The following PTPRD variants were observed in gnomAD, a reference collection of about 807,000 sequenced individuals.
PTPRD encodes receptor-type tyrosine-protein phosphatase delta.
PTPRD carries 34 observed loss-of-function variants against 214.5 expected under a neutral mutation model. That is an observed-to-expected ratio of 0.16 (90% CI 0.12 to 0.21). The LOEUF (loss-of-function observed/expected upper bound fraction) is 0.21. Among genes scored for constraint, PTPRD ranks in the 10% least tolerant of loss-of-function variants. PTPRD has a pLI of 1.00. For synonymous variants in PTPRD, 1,128 were observed against 845.7 expected (o/e 1.33, Z -5.79); for missense variants, 2,545 against 2,398.7 (o/e 1.06, Z -1.27).
chr9:9,066,231 G>A (rs1027970951), intron 10 of PTPRD, among the ~76,000 whole-genome samples: 1 of 152,072 alleles, frequency 6.6e-6, no homozygotes, highest in Non-Finnish European at 1.5e-5. Flanking sequence ...GGAAGATTTT[G>A]TGTAGGATCG....
chr9:8,571,131 G>C (rs546581415), intron 14 of PTPRD, among the ~76,000 whole-genome samples: 2 of 151,896 alleles, frequency 1.3e-5, no homozygotes, highest in Non-Finnish European at 2.9e-5. Context: ...TGAGCAATAA[G>C]CCCATTTGGT....
chr9:9,867,014 AACTTAGT>A (rs1269887527), intron 5 of PTPRD, among the ~76,000 whole-genome samples: 2 of 152,116 alleles, frequency 1.3e-5, no homozygotes, highest in Non-Finnish European at 2.9e-5. Context: ...ATAGTATTCA[AACTTAGT>A]ACTTAGACTG....
chr9:8,895,594 C>G (rs947552560), intron 11 of PTPRD, among the ~76,000 whole-genome samples: 1 of 152,166 alleles, frequency 6.6e-6, no homozygotes, highest in Non-Finnish European at 1.5e-5. Context: ...AGCATGCTTT[C>G]TCCTCTCCCC....
intron 34 of PTPRD, among the ~76,000 whole-genome samples, chr9:8,437,806 C>T (rs1293162188): frequency 6.6e-6 from 1 of 152,184 alleles, no homozygotes; most frequent in Non-Finnish European, 1.5e-5. Context: ...CTAGTTCATT[C>T]AGCCAGCGGA....
intron 6 of PTPRD, among the ~76,000 whole-genome samples, chr9:9,749,138 A>C (rs2098488117): frequency 6.6e-6 from 1 of 152,072 alleles, no homozygotes; most frequent in African/African-American, 2.4e-5. Flanking sequence ...CCCTGAGCAC[A>C]TCCACTTCAG....
intron 9 of PTPRD, among the ~76,000 whole-genome samples, chr9:9,255,891 G>A (rs188725000): frequency 3.3e-5 from 5 of 152,006 alleles, no homozygotes; most frequent in African/African-American, 9.7e-5. Context: ...CAGAGAGAAT[G>A]TTCAAACCTC....
At chr9:10,483,960 A>G (rs767971039) in intron 2 of PTPRD, among the ~76,000 whole-genome samples, 9 of 152,172 alleles carry the variant, frequency 5.9e-5, no homozygotes, top group Non-Finnish European at 1.2e-4. Context: ...ATCATATCAA[A>G]AAACATTCAA....
At chr9:8,616,743 T>G (rs1412734744) in intron 14 of PTPRD, among the ~76,000 whole-genome samples, 1 of 152,162 alleles carries the variant, frequency 6.6e-6, no homozygotes, top group Admixed American at 6.6e-5. Flanking sequence ...AAGTGAGAGA[T>G]AAAGACTGCC....
chr9:10,303,863 A>T (rs1246497842), intron 3 of PTPRD, among the ~76,000 whole-genome samples: 3 of 152,176 alleles, frequency 2.0e-5, no homozygotes, highest in African/African-American at 7.2e-5. Flanking sequence ...TTTCTTTCTG[A>T]AACTATTCCA....
At chr9:8,629,024 C>T (rs2096152873) in intron 14 of PTPRD, among the ~76,000 whole-genome samples, 1 of 151,568 alleles carries the variant, frequency 6.6e-6, no homozygotes, top group Non-Finnish European at 1.5e-5. Flanking sequence ...GAGAACAGCC[C>T]AGTCTAAAAA....
intron 10 of PTPRD, among the ~76,000 whole-genome samples, chr9:9,053,574 G>A (rs1039990882): frequency 1.3e-5 from 2 of 152,146 alleles, no homozygotes; most frequent in Middle Eastern, 3.2e-3. Context: ...CCTTCAGAGA[G>A]CACAGCCTGG....
At chr9:10,479,870 A>G (rs2099086737) in intron 2 of PTPRD, among the ~76,000 whole-genome samples, 1 of 152,052 alleles carries the variant, frequency 6.6e-6, no homozygotes, top group African/African-American at 2.4e-5. Flanking sequence ...ACATTCCTAA[A>G]GACTGTTTCA....
At chr9:8,518,602 C>A (rs1347310650) in intron 20 of PTPRD, among the ~76,000 whole-genome samples, 173 bp from the exon 21 acceptor site, 2 of 152,170 alleles carry the variant, frequency 1.3e-5, no homozygotes, top group African/African-American at 4.8e-5. Flanking sequence ...GGAAAACATT[C>A]ATAGGTGACA....
At chr9:8,485,578 C>A (rs1448508786) in intron 28 of PTPRD, 184 bp downstream of exon 28, 6 of 658,196 alleles carry the variant, frequency 9.1e-6, no homozygotes, top group Non-Finnish European at 1.3e-5. Context: ...GCCAGACTTG[C>A]TTGACATTCT....
At chr9:10,290,686 A>T (rs932347764) in intron 3 of PTPRD, among the ~76,000 whole-genome samples, 1 of 152,118 alleles carries the variant, frequency 6.6e-6, no homozygotes. Flanking sequence ...GTTATTTAAA[A>T]ATGCATTTAT....
At chr9:9,917,999 A>G (rs1199389217) in intron 5 of PTPRD, among the ~76,000 whole-genome samples, 1 of 152,092 alleles carries the variant, frequency 6.6e-6, no homozygotes, top group Non-Finnish European at 1.5e-5. Context: ...TTTCCCTAAG[A>G]ACGAGAAAAG....
intron 9 of PTPRD, among the ~76,000 whole-genome samples, chr9:9,217,873 C>T (rs573539311): frequency 1.3e-5 from 2 of 152,084 alleles, no homozygotes; most frequent in Admixed American, 6.6e-5. Flanking sequence ...CTTTTTGAAG[C>T]CTTCTTGGTC....
intron 31 of PTPRD, among the ~76,000 whole-genome samples, chr9:8,467,031 C>T (rs1362025051): frequency 6.6e-6 from 1 of 151,950 alleles, no homozygotes; most frequent in East Asian, 1.9e-4. Flanking sequence ...ATGTGTTCAG[C>T]TGGTTCAAAA....
chr9:8,776,369 C>A (rs1040577694), intron 11 of PTPRD, among the ~76,000 whole-genome samples: 6 of 152,124 alleles, frequency 3.9e-5, no homozygotes, highest in Non-Finnish European at 5.9e-5. Context: ...ATGGTGCAAT[C>A]TTGGCTCACT....
Sources: allele counts gnomAD v4.1 joint callset (sites outside exome capture counted in the v4.1 genomes callset), GRCh38; gene constraint gnomAD v4.1.1; transcripts MANE v1.5; gene names NCBI Gene and HGNC (gene_info 2026-07-23, HGNC 2026-07-21).